The following PRSS16 variants were observed in gnomAD, a reference collection of about 807,000 sequenced individuals.
The protein encoded by PRSS16 is serine protease 16, also known as thymus-specific serine protease.
In PRSS16, 43 loss-of-function variants were observed where a neutral mutation model predicts 61.7. The observed-to-expected ratio is 0.70, with a 90% CI of 0.55 to 0.90. The LOEUF (loss-of-function observed/expected upper bound fraction) is 0.90, where lower values mean the gene tolerates loss of function less well. PRSS16 is among the 40% of genes least tolerant of loss of function. The pLI, the probability that PRSS16 is intolerant of heterozygous loss-of-function variation, is 0.00. For missense variants in PRSS16, 591 were observed against 659.1 expected (o/e 0.90, Z 1.13); for synonymous variants, 273 against 285.2 (o/e 0.96, Z 0.43).
At position 27,251,368 on chromosome 6, in the gene PRSS16, T is replaced by A; in HGVS notation, c.717+104T>A. The A allele has an allele frequency of 7.2e-7, 1 of 1,397,154 alleles. No individual in the cohort carries two copies. Among genetic ancestry groups the A allele is most frequent in the Non-Finnish European group, 9.6e-7 (1 of 1,045,900 alleles). The allele number at this position is 1,397,154 out of a possible 1,614,324, so 86.5% of individuals were successfully genotyped here. ...GGGCGAAACCTGCAACGTGGCGGGGTCTAAGGAAGGTCGGAGCTCGGGGGA... is the reference window on the plus strand; with the variant it reads ...GGGCGAAACCTGCAACGTGGCGGGGACTAAGGAAGGTCGGAGCTCGGGGGA... On this transcript the variant is annotated intron_variant, in intron 7 of 11. Transcript: ENST00000230582. This position sits in a 1 kb window ranked among gnomAD's most constrained non-coding sequence, Gnocchi z 5.6.
chr6:27,255,127 G>A lies in PRSS16; in HGVS notation c.1472G>A (p.Arg491His), dbSNP rs753745230. The A allele has an allele frequency of 1.4e-5, 22 of 1,614,116 alleles. No homozygotes were observed. Among genetic ancestry groups the A allele is most frequent in the East Asian group, 4.5e-5 (2 of 44,872 alleles). The change falls in exon 11 of 12, where the codon CGC (arginine) becomes CAC (histidine). Residue 491 changes from arginine to histidine, a missense_variant. By Grantham distance (29) the Arg-to-His change is conservative. Coordinates refer to ENST00000230582, the MANE Select transcript of PRSS16 (RefSeq NM_005865.4). The surrounding 1 kb of genome is among the most constrained non-coding windows in gnomAD (Gnocchi z 4.4). ...PSDSPSLRLGRQNIFQQLQTW... is the reference protein window; with the variant it reads ...PSDSPSLRLGHQNIFQQLQTW... ...GACTCCCCCAGCCTCCGCCTAGGGC[G>A]CCAGGTAAGAGAAAAAAGGCTCTGA...
intron 9 of PRSS16, chr6:27,253,648 G>T: frequency 5.1e-6 from 1 of 194,242 alleles, no homozygotes; most frequent in Non-Finnish European, 1.1e-5. Flanking sequence ...TACTACATAT[G>T]GTAAATTAAA....
chr6:27,254,778 GCT>G lies in PRSS16; in HGVS notation c.1240_1241del (p.Ala415LeufsTer22), dbSNP rs749621879. On this transcript the variant is annotated frameshift_variant, in exon 10 of 12. Coordinates refer to ENST00000230582, the MANE Select transcript of PRSS16 (RefSeq NM_005865.4). LOFTEE classifies it high-confidence loss of function. ...TAGACCTATGTGAGCAGGTGTTTGG[GCT>G]CTCAGCCTTGTCAGTAGCCCAGGCT... ...QLDLCEQVFG[L>X]SALSVAQAVA... 1 of 1,614,150 alleles carries G rather than the reference GCT, an allele frequency of 6.2e-7. No homozygotes were observed.
intron 9 of PRSS16, chr6:27,253,550 A>C (rs1395990080): frequency 2.3e-6 from 1 of 428,344 alleles, no homozygotes; most frequent in South Asian, 1.7e-5. Flanking sequence ...ACCCCAGGGT[A>C]GTGTTGCCAG....
rs1245915701 is a variant in PRSS16 at position 27,250,763 on chromosome 6, G to A, written c.548G>A (p.Gly183Glu). The change falls in exon 5 of 12, where the codon GGA (glycine) becomes GAA (glutamate). Residue 183 changes from glycine to glutamate, a missense_variant. Physicochemically the swap from Gly to Glu is moderately conservative, Grantham distance 98 (BLOSUM62 -2). Coordinates refer to ENST00000230582, the MANE Select transcript of PRSS16 (RefSeq NM_005865.4). ...TCCTCCAGCCCCTGGATCTGCTTCG[G>A]AGGCTCCTATGCCGGCTCCTTGGCC... The part of the protein sequence containing the change: ...ISSSSPWICF[G>E]GSYAGSLAAW... The A allele has an allele frequency of 6.2e-7, 1 of 1,613,672 alleles. No homozygotes were observed. The highest frequency in any genetic ancestry group is 8.5e-7 in the Non-Finnish European group (1 of 1,179,912).
At chr6:27,253,119 G>A in intron 9 of PRSS16, 170 bp downstream of exon 9, 1 of 790,482 alleles carries the variant, frequency 1.3e-6, no homozygotes. Context: ...GTATGCATGT[G>A]CTTGGCCCTC....
Position 27,251,767 on chromosome 6 carries a change from C to T in PRSS16, c.735C>T (p.Ser245=). The part of the protein sequence containing the change: ...GGSLECRAAV[S]VAFAEVERRL... ...TCCCACAGTGCCGGGCGGCGGTGTC[C>T]GTCGCCTTCGCTGAAGTGGAGCGGC... The change falls in exon 8 of 12, where the codon TCC becomes TCT. Residue 245 remains serine (S), a synonymous_variant. Coordinates refer to ENST00000230582, the MANE Select transcript of PRSS16 (RefSeq NM_005865.4). The surrounding 1 kb of genome is among the most constrained non-coding windows in gnomAD (Gnocchi z 5.6). The T allele has an allele frequency of 6.2e-7, 1 of 1,605,918 alleles. No individual in the cohort carries two copies. Among genetic ancestry groups the T allele is most frequent in the Non-Finnish European group, 8.5e-7 (1 of 1,178,458 alleles).
chr6:27,251,528 C>T lies in PRSS16; in HGVS notation c.718-222C>T. ...TGAGGCTCAAGGTGGGGCGGGGCCA[C>T]AATGGAGGACGGGGCCTGCAGGGAA... On this transcript the variant is annotated intron_variant, in intron 7 of 11. Coordinates refer to ENST00000230582, the MANE Select transcript of PRSS16 (RefSeq NM_005865.4). This position sits in a 1 kb window ranked among gnomAD's most constrained non-coding sequence, Gnocchi z 5.6. The T allele has an allele frequency of 1.5e-6, 1 of 662,594 alleles. No individual in the cohort carries two copies. The highest frequency in any genetic ancestry group is 2.3e-6 in the Non-Finnish European group (1 of 436,036). 41.0% of individuals were successfully genotyped at this position (662,594 alleles called of 1,614,324 possible).
Position 27,248,042 on chromosome 6 carries a change from C to T in PRSS16, c.231C>T (p.Phe77=). The T allele has an allele frequency of 6.2e-7, 1 of 1,613,430 alleles. No homozygotes were observed. Among genetic ancestry groups the T allele is most frequent in the Non-Finnish European group, 8.5e-7 (1 of 1,179,794 alleles). The stretch of plus-strand genomic sequence containing the variant: ...TCAACGTGTCCGACAGACGATCCTT[C>T]CTACAGGTGAGGCCGGGAGACGGGG... ...DPFNVSDRRS[F]LQRYWVNDQH... The change falls in exon 2 of 12, where the codon TTC becomes TTT. Residue 77 remains phenylalanine, a synonymous_variant. Coordinates refer to ENST00000230582, the MANE Select transcript of PRSS16 (RefSeq NM_005865.4).
At chr6:27,249,043 G>T in intron 3 of PRSS16, 57 bp from the exon 4 acceptor site, 2 of 1,486,890 alleles carry the variant, frequency 1.3e-6, no homozygotes, top group Non-Finnish European at 1.9e-6. Flanking sequence ...GGAGTGAAAG[G>T]GCTTAAACTC....
In PRSS16 at chr6:27,252,026, C is replaced by T. The variant is rs745554926; in HGVS notation, c.994C>T (p.Arg332Cys). ...RSHSTPYCGLRRAVQIVLHSL... is the reference protein window; with the variant it reads ...RSHSTPYCGLCRAVQIVLHSL... ...CCACTCCACGCCCTACTGCGGGCTT[C>T]GTCGGGCGGTGCAGGTGAGCACTCC... Residue 332 changes from arginine (R) to cysteine (C), a missense_variant, in exon 8 of 12, where the codon CGT becomes TGT. Transcript: ENST00000230582. This position sits in a 1 kb window ranked among gnomAD's most constrained non-coding sequence, Gnocchi z 4.2. The T allele has an allele frequency of 1.3e-6, 2 of 1,540,878 alleles. No individual in the cohort carries two copies. Among genetic ancestry groups the T allele is most frequent in the African/African-American group, 1.4e-5 (1 of 72,670 alleles).
Position 27,251,340 on chromosome 6 carries a change from G to C in PRSS16, c.717+76G>C, listed in dbSNP as rs1238419323. ...GGATGCCAGGGAAGAGGAGGCCAGAGAAGGGCGAAACCTGCAACGTGGCGG... is the reference window on the plus strand; with the variant it reads ...GGATGCCAGGGAAGAGGAGGCCAGACAAGGGCGAAACCTGCAACGTGGCGG... On this transcript the variant is annotated intron_variant, in intron 7 of 11. Transcript: ENST00000230582. The surrounding 1 kb of genome is among the most constrained non-coding windows in gnomAD (Gnocchi z 5.6). 4 of 1,502,176 alleles carry C rather than the reference G, an allele frequency of 2.7e-6. No individual in the cohort carries two copies. The highest frequency in any genetic ancestry group is 3.6e-6 in the Non-Finnish European group (4 of 1,123,118). The allele number at this position is 1,502,176 out of a possible 1,614,324, so 93.1% of individuals were successfully genotyped here. A position where few individuals can be genotyped will look rare whatever the true frequency, so the allele number is the denominator to read the frequency against.
At position 27,248,003 on chromosome 6, in the gene PRSS16, A is replaced by C. The variant is rs768239540; in HGVS notation, c.192A>C (p.Gln64His). The change falls in exon 2 of 12, where the codon CAA (glutamine) becomes CAC (histidine). Residue 64 changes from glutamine to histidine, a missense_variant. Transcript: ENST00000230582. ...AALPKVGWLE[Q>H]LLDPFNVSDR... The stretch of plus-strand genomic sequence containing the variant: ...TCCCAAAAGTGGGGTGGCTGGAGCA[A>C]CTGCTGGACCCCTTCAACGTGTCCG... 9 of 1,613,632 alleles carry C rather than the reference A, an allele frequency of 5.6e-6. No homozygotes were observed. The Admixed American group carries it at 1.5e-4, about 27-fold the overall frequency.
intron 2 of PRSS16, 145 bp downstream of exon 2, chr6:27,248,193 A>G: frequency 3.7e-6 from 4 of 1,068,952 alleles, no homozygotes; most frequent in Non-Finnish European, 5.3e-6. Flanking sequence ...GCTTGCTGTC[A>G]GTATCCCTTT....
chr6:27,253,390 A>G (rs1229148399), intron 9 of PRSS16: 1 of 371,568 alleles, frequency 2.7e-6, no homozygotes, highest in African/African-American at 2.1e-5. Flanking sequence ...GGGAACCTCC[A>G]TTCTTTCTTG....
rs1448352195 is a variant in PRSS16 at position 27,252,784 on chromosome 6, T to C, written c.1009-24T>C. On this transcript the variant is annotated intron_variant, in intron 8 of 11. Coordinates refer to ENST00000230582, the MANE Select transcript of PRSS16 (RefSeq NM_005865.4). This position sits in a 1 kb window ranked among gnomAD's most constrained non-coding sequence, Gnocchi z 4.2. ...TGGGAAGAGAGGAGGAATTTATGTCTTATGTATGTACATTGTTCCCTAGAT... is the reference window on the plus strand; with the variant it reads ...TGGGAAGAGAGGAGGAATTTATGTCCTATGTATGTACATTGTTCCCTAGAT... The C allele has an allele frequency of 1.2e-6, 2 of 1,613,542 alleles. No individual in the cohort carries two copies. The highest frequency in any genetic ancestry group is 2.7e-5 in the African/African-American group (2 of 74,890).
chr6:27,250,655 A>T, intron 4 of PRSS16, 28 bp from the exon 5 acceptor site: 1 of 1,572,208 alleles, frequency 6.4e-7, no homozygotes, highest in Non-Finnish European at 8.6e-7. Flanking sequence ...AGCGATGAGG[A>T]CCGACCGAGT....
intron 2 of PRSS16, 73 bp downstream of exon 2, chr6:27,248,121 T>G: frequency 6.7e-7 from 1 of 1,498,670 alleles, no homozygotes; most frequent in Non-Finnish European, 9.0e-7. Context: ...TTCCTCAGTC[T>G]GCACTTTTTT....
In PRSS16 at chr6:27,249,117, G is replaced by A. The variant is rs755918723; in HGVS notation, c.355G>A (p.Ala119Thr). 1.9e-6 allele frequency: 3 copies of A among 1,587,780 alleles called. No homozygotes were observed. Among genetic ancestry groups the A allele is most frequent in the Non-Finnish European group, 1.7e-6 (2 of 1,171,978 alleles). ...CTTCACAGGCCATCCCGCAGCCTTG[G>A]CCCCAGCCTGGGGCGCCCTGGTGAT... The part of the protein sequence containing the change: ...SVMRGHPAAL[A>T]PAWGALVISL... Residue 119 changes from alanine (A) to threonine (T), a missense_variant, in exon 4 of 12, where the codon GCC becomes ACC. Physicochemically the swap from Ala to Thr is moderately conservative, Grantham distance 58. Coordinates refer to ENST00000230582, the MANE Select transcript of PRSS16 (RefSeq NM_005865.4).
Sources: gnomAD v4.1 joint callset for allele counts on GRCh38, gnomAD v4.1.1 for gene constraint, Gnocchi (gnomAD v3.1) non-coding constraint, MANE v1.5 for transcripts, NCBI Gene and HGNC (gene_info 2026-07-23, HGNC 2026-07-21) for gene names.